KANSL1: variants seen among roughly 807,000 people sequenced by gnomAD.
KANSL1 encodes MLL1/MLL complex subunit KANSL1.
KANSL1 carries 22 observed loss-of-function variants against 103.6 expected under a neutral mutation model. The ratio of observed to expected loss-of-function variants is 0.21; its 90% confidence interval spans 0.15 to 0.30. KANSL1 has a LOEUF of 0.30. KANSL1 is among the 10% of genes least tolerant of loss of function. KANSL1 has a pLI of 1.00. For missense variants in KANSL1, 1,337 were observed against 1,399.8 expected, an observed-to-expected ratio of 0.96 and a Z score of 0.72; for synonymous variants, 600 against 527.6, an observed-to-expected ratio of 1.14 and a Z score of -1.88.
Position 46,030,563 on chromosome 17 carries a change from A to C in KANSL1, c.*913T>G, listed in dbSNP as rs1403903828. The C allele has an allele frequency of 1.3e-5, 2 of 150,928 alleles. No homozygotes were observed. Among genetic ancestry groups the C allele is most frequent in the Non-Finnish European group, 2.9e-5 (2 of 67,934 alleles). The allele number at this position is 150,928 out of a possible 1,614,324, so 9.3% of individuals were successfully genotyped here. A position where few individuals can be genotyped will look rare whatever the true frequency, so the allele number is the denominator to read the frequency against. The stretch of plus-strand genomic sequence containing the variant: ...AACACCGACAGGGATCTGGATGTGA[A>C]GGAAACATGGCAAAGTGAATCAGAG... On this transcript the variant is annotated 3_prime_UTR_variant, in exon 15 of 15. Coordinates refer to ENST00000432791, the MANE Select transcript of KANSL1 (RefSeq NM_015443.4).
chr17:46,091,665 C>T (rs1215054637), intron 3 of KANSL1, among the ~76,000 whole-genome samples: 1 of 152,140 alleles, frequency 6.6e-6, no homozygotes, highest in African/African-American at 2.4e-5. Flanking sequence ...ATACATAAAT[C>T]TTTACCACTA....
intron 2 of KANSL1, among the ~76,000 whole-genome samples, chr17:46,132,954 A>G (rs1177209785): frequency 5.9e-5 from 9 of 152,178 alleles, no homozygotes; most frequent in Admixed American, 5.2e-4. Flanking sequence ...GAAAAAAACA[A>G]AAGTAAGCAG....
intron 6 of KANSL1, among the ~76,000 whole-genome samples, chr17:46,056,540 G>A (rs1191403633): frequency 6.6e-6 from 1 of 151,552 alleles, no homozygotes; most frequent in Non-Finnish European, 1.5e-5. Flanking sequence ...ACAGTATCTG[G>A]CTCTCGACTC....
rs966391759 is a variant in KANSL1 at position 46,193,153 on chromosome 17, G to A, written c.-420C>T. 1 of 151,460 alleles carries A rather than the reference G, an allele frequency of 6.6e-6. No individual in the cohort carries two copies. Among genetic ancestry groups the A allele is most frequent in the Admixed American group, 6.6e-5 (1 of 15,136 alleles). 9.4% of individuals were successfully genotyped at this position (151,460 alleles called of 1,614,324 possible). A position where few individuals can be genotyped will look rare whatever the true frequency, so the allele number is the denominator to read the frequency against. On this transcript the variant is annotated 5_prime_UTR_variant, in exon 1 of 15. Coordinates refer to ENST00000432791, the MANE Select transcript of KANSL1 (RefSeq NM_015443.4). ...CCGGCCGGGAGGGCGGGCGGGCGGGGGCAGAGAGTGAAACCGCCCCCCCGC... is the reference window on the plus strand; with the variant it reads ...CCGGCCGGGAGGGCGGGCGGGCGGGAGCAGAGAGTGAAACCGCCCCCCCGC...
At chr17:46,145,853 C>T (rs1009765103) in intron 2 of KANSL1, among the ~76,000 whole-genome samples, 9 of 152,166 alleles carry the variant, frequency 5.9e-5, no homozygotes, top group Non-Finnish European at 1.3e-4. Flanking sequence ...CTCAGCCTCC[C>T]GAGTAGCTGG....
intron 6 of KANSL1, among the ~76,000 whole-genome samples, chr17:46,055,501 G>C (rs998101341): frequency 1.3e-5 from 2 of 150,964 alleles, no homozygotes; most frequent in Non-Finnish European, 3.0e-5. Context: ...TTATATTCTT[G>C]ACTGTAACAA....
At chr17:46,214,609 G>A (rs749924262) in intron 1 of KANSL1, among the ~76,000 whole-genome samples, 10 of 152,208 alleles carry the variant, frequency 6.6e-5, no homozygotes, top group African/African-American at 9.7e-5. Context: ...AGCCGAGATC[G>A]CGCCGTTGCG....
At chr17:46,220,407 G>A (rs1389225407) in intron 1 of KANSL1, among the ~76,000 whole-genome samples, 5 of 151,896 alleles carry the variant, frequency 3.3e-5, no homozygotes, top group African/African-American at 7.2e-5. Context: ...TAGTAGAGAC[G>A]GGGTTTCACC....
intron 6 of KANSL1, among the ~76,000 whole-genome samples, chr17:46,064,632 C>A (rs953486540): frequency 1.3e-5 from 2 of 152,152 alleles, no homozygotes; most frequent in African/African-American, 4.8e-5. Context: ...AATCCCTCCT[C>A]CTCCTCCCTC....
At chr17:46,039,558 A>G (rs1343607584) in intron 8 of KANSL1, 144 bp downstream of exon 8, 1 of 852,160 alleles carries the variant, frequency 1.2e-6, no homozygotes, top group Admixed American at 2.9e-5. Context: ...CAAGACAAGC[A>G]GAAGCAGTCA....
chr17:46,046,721 C>T (rs2077522034), intron 7 of KANSL1, among the ~76,000 whole-genome samples: 1 of 151,370 alleles, frequency 6.6e-6, no homozygotes, highest in Admixed American at 6.6e-5. Flanking sequence ...CCTGTAGTCC[C>T]AGCTACTCAG....
chr17:46,150,286 C>T (rs898772329), intron 2 of KANSL1, among the ~76,000 whole-genome samples: 8 of 151,966 alleles, frequency 5.3e-5, no homozygotes, highest in African/African-American at 1.9e-4. Flanking sequence ...CCTACATCTC[C>T]CTTGCTTCCC....
At chr17:46,165,639 T>C (rs1289429133) in intron 2 of KANSL1, among the ~76,000 whole-genome samples, 2 of 151,944 alleles carry the variant, frequency 1.3e-5, no homozygotes, top group Admixed American at 1.3e-4. Context: ...ACCTCCCAAG[T>C]AGCTGGGATT....
chr17:46,203,011 T>C (rs1436598356), intron 1 of KANSL1, among the ~76,000 whole-genome samples: 1 of 152,228 alleles, frequency 6.6e-6, no homozygotes, highest in Non-Finnish European at 1.5e-5. Flanking sequence ...GCCAGTGGTT[T>C]GCTAGAACTC....
At chr17:46,096,711 C>T (rs11658616) in intron 2 of KANSL1, among the ~76,000 whole-genome samples, 2,855 of 152,034 alleles carry the variant, frequency 0.019, 27 homozygotes, top group Middle Eastern at 0.038. Context: ...CTCCGCCTCC[C>T]GGGTTTACGC....
At chr17:46,120,046 AT>A (rs2043212134) in intron 2 of KANSL1, 2 of 147,936 alleles carry the variant, frequency 1.4e-5, no homozygotes, top group Non-Finnish European at 3.1e-5. Flanking sequence ...GCAGAGCTTT[AT>A]TTCTGAAGAA....
rs2147733729 is a variant in KANSL1, at chr17:46,171,061, G to A, written c.1083C>T (p.Thr361=). 1.2e-6 allele frequency: 2 copies of A among 1,614,158 alleles called. No individual in the cohort carries two copies. Among genetic ancestry groups the A allele is most frequent in the South Asian group, 2.2e-5 (2 of 91,090 alleles). The part of the protein sequence containing the change: ...EAALRKAASE[T]TTSEGLSNFL... ...AGTTGCTAAGTCCCTCTGAAGTGGT[G>A]GTCTCACTGGCAGCTTTTCTCAAGG... is the stretch of plus-strand genomic sequence containing the variant. Residue 361 remains threonine, a synonymous_variant, in exon 2 of 15, where the codon ACC becomes ACT. Coordinates refer to ENST00000432791, the MANE Select transcript of KANSL1 (RefSeq NM_015443.4).
At chr17:46,044,863 G>A (rs905871518) in intron 7 of KANSL1, 2 of 152,136 alleles carry the variant, frequency 1.3e-5, no homozygotes, top group African/African-American at 4.8e-5. Context: ...AAACTGGTTA[G>A]GAAACAGCAC....
At chr17:46,174,289 A>G (rs1220251012) in intron 1 of KANSL1, among the ~76,000 whole-genome samples, 1 of 152,096 alleles carries the variant, frequency 6.6e-6, no homozygotes, top group East Asian at 1.9e-4. Flanking sequence ...GGTTCAAGTG[A>G]TTCTCCTGCC....
Sources: gnomAD v4.1 joint callset for allele counts (sites outside exome capture counted in the v4.1 genomes callset) on GRCh38, gnomAD v4.1.1 for gene constraint, MANE v1.5 for transcripts, NCBI Gene and HGNC (gene_info 2026-07-23, HGNC 2026-07-21) for gene names.